Variants in CDH18 observed in about 807,000 individuals in gnomAD.
CDH18 encodes cadherin 18.
A neutral mutation model predicts 67.9 loss-of-function variants in CDH18; 31 were observed. The ratio of observed to expected loss-of-function variants is 0.46; its 90% CI spans 0.34 to 0.62. The LOEUF (loss-of-function observed/expected upper bound fraction) is 0.62, where lower values mean the gene tolerates loss of function less well. Among genes scored for constraint, CDH18 ranks in the 20% least tolerant of loss-of-function variants. The pLI is 0.01. For missense variants in CDH18, 890 were observed against 975.5 expected (o/e 0.91, Z 1.17); for synonymous variants, 362 against 347.2 (o/e 1.04, Z -0.48).
At chr5:19,757,902 T>A (rs149734367) in intron 3 of CDH18, among the ~76,000 whole-genome samples, 80 of 152,296 alleles carry the variant, frequency 5.3e-4, no homozygotes, top group Non-Finnish European at 1.0e-3. Flanking sequence ...TTCAGGGATG[T>A]CCTTAAAAGG....
intron 9 of CDH18, among the ~76,000 whole-genome samples, chr5:19,525,413 T>A: frequency 6.6e-6 from 1 of 151,740 alleles, no homozygotes; most frequent in African/African-American, 2.4e-5. Flanking sequence ...TAATATCAGT[T>A]TCGTCTATAT....
At chr5:20,162,164 T>G (rs1368524309) in intron 2 of CDH18, among the ~76,000 whole-genome samples, 1 of 152,022 alleles carries the variant, frequency 6.6e-6, no homozygotes, top group Non-Finnish European at 1.5e-5. Context: ...AGGCTTTGTT[T>G]TGTAATGTCC....
intron 1 of CDH18, among the ~76,000 whole-genome samples, chr5:20,444,070 C>T (rs543149232): frequency 6.6e-6 from 1 of 151,942 alleles, no homozygotes; most frequent in South Asian, 2.1e-4. Flanking sequence ...AAACCCTTTC[C>T]AGTTCTAATA....
intron 1 of CDH18, among the ~76,000 whole-genome samples, chr5:20,434,825 G>A (rs13190299): frequency 0.21 from 32,491 of 151,664 alleles, 3,630 homozygotes; most frequent in East Asian, 0.3. Context: ...CAAGCATTCA[G>A]GTGAAATAGG....
intron 1 of CDH18, among the ~76,000 whole-genome samples, chr5:20,507,035 C>A (rs1754704884): frequency 6.6e-6 from 1 of 152,136 alleles, no homozygotes; most frequent in Non-Finnish European, 1.5e-5. Context: ...TGTGATGTGT[C>A]CCACATTAGG....
At chr5:19,915,008 A>G (rs369975808) in intron 2 of CDH18, among the ~76,000 whole-genome samples, 61 of 152,222 alleles carry the variant, frequency 4.0e-4, no homozygotes, top group African/African-American at 1.4e-3. Context: ...GTCCTATGTG[A>G]TAGAGTTCCA....
intron 1 of CDH18, among the ~76,000 whole-genome samples, chr5:20,451,187 C>A (rs1389435884): frequency 6.6e-6 from 1 of 152,184 alleles, no homozygotes; most frequent in Non-Finnish European, 1.5e-5. Context: ...TACTTGAGAG[C>A]AGGACTTATG....
At chr5:20,364,252 A>G (rs915308664) in intron 1 of CDH18, among the ~76,000 whole-genome samples, 2 of 151,594 alleles carry the variant, frequency 1.3e-5, no homozygotes, top group African/African-American at 4.9e-5. Flanking sequence ...TGCATGTACA[A>G]GTACACACAC....
At chr5:19,866,093 A>C (rs1236001067) in intron 2 of CDH18, among the ~76,000 whole-genome samples, 1 of 152,206 alleles carries the variant, frequency 6.6e-6, no homozygotes, top group African/African-American at 2.4e-5. Context: ...TTAAGGCATA[A>C]ACTTGTGGAT....
At chr5:19,704,729 T>C (rs1763721582) in intron 5 of CDH18, among the ~76,000 whole-genome samples, 1 of 152,158 alleles carries the variant, frequency 6.6e-6, no homozygotes, top group Non-Finnish European at 1.5e-5. Flanking sequence ...AGGACTTAGT[T>C]ACTGAACAAT....
At chr5:20,002,959 C>CA (rs1325779187) in intron 2 of CDH18, among the ~76,000 whole-genome samples, 8,415 of 100,604 alleles carry the variant, frequency 0.084, 542 homozygotes, top group African/African-American at 0.21. Flanking sequence ...GGAAACCAAC[C>CA]AAAAAAAAAA....
intron 2 of CDH18, among the ~76,000 whole-genome samples, chr5:20,052,725 T>C (rs1741543512): frequency 6.6e-6 from 1 of 152,062 alleles, no homozygotes; most frequent in African/African-American, 2.4e-5. Context: ...TTGGTAGGTA[T>C]AAAATTCACA....
intron 2 of CDH18, among the ~76,000 whole-genome samples, chr5:20,175,646 T>C (rs1189800234): frequency 6.6e-6 from 1 of 152,098 alleles, no homozygotes; most frequent in Non-Finnish European, 1.5e-5. Context: ...AGAACTAATA[T>C]GATATATAGA....
chr5:20,143,957 GT>G (rs1264765681), intron 2 of CDH18, among the ~76,000 whole-genome samples: 2 of 152,170 alleles, frequency 1.3e-5, no homozygotes, highest in Non-Finnish European at 2.9e-5. Flanking sequence ...CATGAAAGGT[GT>G]GTGGAGGCCT....
chr5:20,085,607 A>G (rs1291053217), intron 2 of CDH18, among the ~76,000 whole-genome samples: 1 of 152,192 alleles, frequency 6.6e-6, no homozygotes, highest in East Asian at 1.9e-4. Flanking sequence ...TTTACAAAAG[A>G]AAGAGGTTTA....
chr5:19,654,868 T>A (rs1329363946), intron 5 of CDH18, among the ~76,000 whole-genome samples: 1 of 152,004 alleles, frequency 6.6e-6, no homozygotes, highest in Non-Finnish European at 1.5e-5. Flanking sequence ...ACAGCCATTC[T>A]CCCCTCCAAC....
At chr5:19,823,396 T>C (rs764694316) in intron 3 of CDH18, among the ~76,000 whole-genome samples, 34 of 152,136 alleles carry the variant, frequency 2.2e-4, no homozygotes, top group Non-Finnish European at 2.9e-5. Flanking sequence ...GAATAAGAAA[T>C]TATAAAAGTA....
intron 3 of CDH18, among the ~76,000 whole-genome samples, chr5:19,806,240 C>T (rs1778016747): frequency 6.6e-6 from 1 of 152,200 alleles, no homozygotes; most frequent in African/African-American, 2.4e-5. Context: ...TGCATCTCTC[C>T]TCGTGCACCA....
intron 1 of CDH18, among the ~76,000 whole-genome samples, chr5:20,407,738 A>AAG (rs1746415402): frequency 6.6e-6 from 1 of 151,516 alleles, no homozygotes; most frequent in Non-Finnish European, 1.5e-5. Context: ...TTTTTTAAAA[A>AAG]ACTTGAAGAA....
Sources: allele counts gnomAD v4.1 joint callset (sites outside exome capture counted in the v4.1 genomes callset), GRCh38; gene constraint gnomAD v4.1.1; transcripts MANE v1.5; gene names NCBI Gene and HGNC (gene_info 2026-07-23, HGNC 2026-07-21).